The following CWF19L2 variants were observed in gnomAD, a reference collection of about 807,000 sequenced individuals.
CWF19L2 encodes CWF19 like cell cycle control factor 2.
Under a neutral mutation model 111.7 loss-of-function variants are expected in CWF19L2, and 98 were observed. The observed-to-expected ratio is 0.88, with a 90% CI of 0.75 to 1.04. The LOEUF is 1.04. CWF19L2 is among the 50% of genes least tolerant of loss of function. The pLI, the probability that CWF19L2 is intolerant of heterozygous loss-of-function variation, is 0.00. For missense variants in CWF19L2, 1,101 were observed against 1,051.4 expected, an observed-to-expected ratio of 1.05 and a Z score of -0.65; for synonymous variants, 351 against 342.9, an observed-to-expected ratio of 1.02 and a Z score of -0.26.
chr11:107,439,035 G>GAT, intron 6 of CWF19L2, 55 bp downstream of exon 6: 1 of 288,602 alleles, frequency 3.5e-6, no homozygotes, highest in Non-Finnish European at 5.7e-6. Flanking sequence ...ACTCTGTCTC[G>GAT]AAAAAAAAAA....
In CWF19L2 at chr11:107,348,852, A is replaced by T. The variant is rs1591155044; in HGVS notation, c.2202+85T>A. 6.0e-6 allele frequency: 4 copies of T among 666,152 alleles called. No individual in the cohort carries two copies. The East Asian group carries it at 1.1e-4, about 18-fold the overall frequency. The allele number at this position is 666,152 out of a possible 1,614,324, so 41.3% of individuals were successfully genotyped here. A position where few individuals can be genotyped will look rare whatever the true frequency, so the allele number is the denominator to read the frequency against. ...TTTAGAAACTAAAATCATTAAATGA[A>T]GTTATACCTATTGGAATTTATCACA... On this transcript the variant is annotated intron_variant, in intron 14 of 17. Coordinates refer to ENST00000282251, the MANE Select transcript of CWF19L2 (RefSeq NM_152434.3).
chr11:107,334,930 G>T lies in CWF19L2; in HGVS notation c.2390C>A (p.Ser797Tyr). Residue 797 changes from serine to tyrosine, a missense_variant, in exon 16 of 18, where the codon TCC becomes TAC. Coordinates refer to ENST00000282251, the MANE Select transcript of CWF19L2 (RefSeq NM_152434.3). The part of the protein sequence containing the change: ...KAIMESDEEW[S>Y]MNKKLIDLSS... ...GAGATCTATCAACTTCTTGTTCATG[G>T]ACCACTCTTCATCAGATTCCATTAT... The T allele has an allele frequency of 6.2e-7, 1 of 1,607,134 alleles. No homozygotes were observed. Among genetic ancestry groups the T allele is most frequent in the Non-Finnish European group, 8.5e-7 (1 of 1,174,302 alleles).
At chr11:107,379,709 T>C (rs576349060) in intron 12 of CWF19L2, among the ~76,000 whole-genome samples, 8 of 152,354 alleles carry the variant, frequency 5.3e-5, no homozygotes, top group Admixed American at 4.6e-4. Context: ...TTTCCCATTT[T>C]GATGTCTGCA....
chr11:107,395,137 C>T (rs74671189), intron 10 of CWF19L2, among the ~76,000 whole-genome samples: 2 of 152,106 alleles, frequency 1.3e-5, no homozygotes, highest in Admixed American at 1.3e-4. Flanking sequence ...TGGGAGATGA[C>T]TGAATCATGG....
chr11:107,410,287 A>G (rs1375313024), intron 10 of CWF19L2, among the ~76,000 whole-genome samples: 1 of 152,164 alleles, frequency 6.6e-6, no homozygotes, highest in Non-Finnish European at 1.5e-5. Context: ...ATTTCTAAAA[A>G]AAAACCACTT....
chr11:107,344,893 G>T (rs1354929533), intron 14 of CWF19L2, among the ~76,000 whole-genome samples: 1 of 152,112 alleles, frequency 6.6e-6, no homozygotes, highest in East Asian at 1.9e-4. Context: ...ACTGCCATAT[G>T]GGGATAGAAG....
intron 8 of CWF19L2, among the ~76,000 whole-genome samples, chr11:107,426,708 A>C (rs988510493): frequency 1.3e-5 from 2 of 151,772 alleles, no homozygotes; most frequent in African/African-American, 2.4e-5. Context: ...GGGAAAAAAA[A>C]CCAAGATTTT....
rs1860708501 is a variant in CWF19L2, at chr11:107,382,821, G to A, written c.1872+7253C>T. ...CCTGCCCTCCTTTCACCTGCCCCAA[G>A]GCAGGACTCTAATCTTCTCCTACCT... On this transcript the variant is annotated intron_variant, in intron 12 of 17. Coordinates refer to ENST00000282251, the MANE Select transcript of CWF19L2 (RefSeq NM_152434.3). Among the ~76,000 whole-genome samples, 6 of 152,220 alleles carry A rather than the reference G, an allele frequency of 3.9e-5. No individual in the cohort carries two copies. In the South Asian group the frequency reaches 1.2e-3, roughly 31 times the overall value.
intron 6 of CWF19L2, among the ~76,000 whole-genome samples, chr11:107,437,998 T>C (rs1861566540): frequency 6.6e-6 from 1 of 152,118 alleles, no homozygotes; most frequent in African/African-American, 2.4e-5. Context: ...CACTTCTGCC[T>C]GAAGTTGAAA....
intron 14 of CWF19L2, among the ~76,000 whole-genome samples, chr11:107,342,956 A>T (rs1283869515): frequency 1.3e-5 from 2 of 152,178 alleles, no homozygotes; most frequent in Non-Finnish European, 2.9e-5. Flanking sequence ...AAACTAGAAG[A>T]GGTAAGGAAT....
At chr11:107,327,232 C>T (rs1044563639) in intron 17 of CWF19L2, among the ~76,000 whole-genome samples, 179 bp from the exon 18 acceptor site, 9 of 152,078 alleles carry the variant, frequency 5.9e-5, no homozygotes, top group Non-Finnish European at 1.0e-4. Flanking sequence ...ACTAGGCAAA[C>T]CGTGTGATTC....
intron 12 of CWF19L2, among the ~76,000 whole-genome samples, chr11:107,370,921 G>T (rs1454314437): frequency 7.4e-6 from 1 of 136,010 alleles, no homozygotes; most frequent in East Asian, 2.1e-4. Context: ...TTTATCATTT[G>T]TCTGTACAAT....
intron 8 of CWF19L2, among the ~76,000 whole-genome samples, chr11:107,428,297 G>T (rs1239806900): frequency 6.6e-6 from 1 of 151,848 alleles, no homozygotes; most frequent in African/African-American, 2.4e-5. Context: ...CTTTCTTTGT[G>T]CAAAATAACA....
chr11:107,355,552 C>A (rs1344820935), intron 12 of CWF19L2, among the ~76,000 whole-genome samples: 1 of 150,064 alleles, frequency 6.7e-6, no homozygotes, highest in African/African-American at 2.4e-5. Context: ...CAGTTCTATT[C>A]ATGTCAGACA....
intron 5 of CWF19L2, among the ~76,000 whole-genome samples, chr11:107,440,232 G>T (rs1316365632): frequency 6.6e-6 from 1 of 152,124 alleles, no homozygotes; most frequent in African/African-American, 2.4e-5. Flanking sequence ...CTTCCTACAA[G>T]AAGTAATAAT....
chr11:107,435,456 T>C lies in CWF19L2; in HGVS notation c.665-1707A>G, dbSNP rs1201263979. 3.3e-5 allele frequency among the ~76,000 whole-genome samples: 5 copies of C among 151,970 alleles called. No individual in the cohort carries two copies. In the East Asian group the frequency reaches 9.7e-4, roughly 29 times the overall value. On this transcript the variant is annotated intron_variant, in intron 6 of 17. Coordinates refer to ENST00000282251, the MANE Select transcript of CWF19L2 (RefSeq NM_152434.3). ...GAAACTGATAAAATGCTGATGGACA[T>C]AGTAAAAATTTCCTGAACAATCACT...
intron 12 of CWF19L2, among the ~76,000 whole-genome samples, chr11:107,367,890 A>C (rs1860454979): frequency 7.3e-6 from 1 of 137,864 alleles, no homozygotes; most frequent in African/African-American, 2.9e-5. Context: ...AACTTTACTG[A>C]ATTTTTTTAA....
intron 10 of CWF19L2, chr11:107,404,375 G>A: frequency 1.3e-6 from 1 of 788,764 alleles, no homozygotes; most frequent in South Asian, 1.3e-5. Flanking sequence ...CCTCATGTAG[G>A]GCATCAGCAG....
chr11:107,431,454 CTCTA>C (rs1861464636), intron 7 of CWF19L2, among the ~76,000 whole-genome samples: 1 of 151,816 alleles, frequency 6.6e-6, no homozygotes, highest in Non-Finnish European at 1.5e-5. Context: ...GATGGGATGA[CTCTA>C]TATTATAAAG....
Sources: allele counts gnomAD v4.1 joint callset (sites outside exome capture counted in the v4.1 genomes callset), GRCh38; gene constraint gnomAD v4.1.1; transcripts MANE v1.5; gene names NCBI Gene and HGNC (gene_info 2026-07-23, HGNC 2026-07-21).